The following CHRM3 variants were observed in gnomAD, a reference collection of about 807,000 sequenced individuals.
The protein encoded by CHRM3 is cholinergic receptor muscarinic 3, also known as muscarinic acetylcholine receptor M3.
CHRM3 carries 11 observed loss-of-function variants against 41.8 expected under a neutral mutation model. The ratio of observed to expected loss-of-function variants is 0.26; its 90% CI spans 0.17 to 0.44. The LOEUF (loss-of-function observed/expected upper bound fraction) is 0.44. Ranked by LOEUF, CHRM3 falls within the 20% of genes least tolerant of loss-of-function variation. The probability of loss-of-function intolerance (pLI) is 1.00; values close to 1 mark genes in which losing one functional copy is unlikely to be tolerated. For synonymous variants in CHRM3, 297 were observed against 301.4 expected (o/e 0.99, Z 0.15); for missense variants, 571 against 745.4 (o/e 0.77, Z 2.72).
intron 6 of CHRM3, among the ~76,000 whole-genome samples, chr1:239,901,234 T>G (rs1679531875): frequency 6.6e-6 from 1 of 152,096 alleles, no homozygotes; most frequent in Admixed American, 6.6e-5. Flanking sequence ...AACAGCAGAG[T>G]GTAAGGCAAG....
rs1553356897 is a variant in CHRM3, at chr1:239,662,912, T to TCTTCTTCTTCTTCTTCTTCTTCTC, written c.-249-15254_-249-15253insTCTCCTTCTTCTTCTTCTTCTTCT. Among the ~76,000 whole-genome samples the TCTTCTTCTTCTTCTTCTTCTTCTC allele has an allele frequency of 1.9e-3, 198 of 105,034 alleles. 2 individuals are homozygous for TCTTCTTCTTCTTCTTCTTCTTCTC. The highest frequency in any genetic ancestry group is 2.2e-3 in the Non-Finnish European group (109 of 49,850). The allele number at this position is 105,034 out of a possible 152,430, so 68.9% of individuals were successfully genotyped here. A position where few individuals can be genotyped will look rare whatever the true frequency, so the allele number is the denominator to read the frequency against. ...CTCCTCCTCTTCTTCTTCTTCTTCT[T>TCTTCTTCTTCTTCTTCTTCTTCTC]CTTCTTCTTCTTCTTCTTCTCCTCT... On this transcript the variant is annotated intron_variant, in intron 4 of 6. Coordinates refer to ENST00000676153, the MANE Select transcript of CHRM3 (RefSeq NM_001375978.1).
intron 4 of CHRM3, among the ~76,000 whole-genome samples, chr1:239,659,734 A>G (rs574419723): frequency 5.3e-5 from 8 of 152,192 alleles, no homozygotes; most frequent in Admixed American, 2.0e-4. Flanking sequence ...TATCTCCCCA[A>G]CTCTCCAAAG....
At chr1:239,882,450 T>G (rs1352270225) in intron 6 of CHRM3, among the ~76,000 whole-genome samples, 2 of 152,242 alleles carry the variant, frequency 1.3e-5, no homozygotes, top group African/African-American at 4.8e-5. Context: ...TGTATTTTAA[T>G]GTATTCTGAA....
chr1:239,775,215 C>T (rs1667996761), intron 5 of CHRM3, among the ~76,000 whole-genome samples: 1 of 152,056 alleles, frequency 6.6e-6, no homozygotes, highest in Admixed American at 6.6e-5. Context: ...ACTGAAAAAT[C>T]AAGCAATAAT....
chr1:239,445,002 C>T (rs774142110), intron 1 of CHRM3, among the ~76,000 whole-genome samples: 4 of 152,156 alleles, frequency 2.6e-5, no homozygotes, highest in Non-Finnish European at 5.9e-5. Context: ...TGATGGTTTC[C>T]TTGTGTGCAG....
intron 2 of CHRM3, among the ~76,000 whole-genome samples, chr1:239,500,711 AAACAAC>A (rs147273123): frequency 6.6e-5 from 10 of 151,720 alleles, no homozygotes; most frequent in African/African-American, 2.4e-4. Flanking sequence ...AAAAAAACAC[AAACAAC>A]AACAACAACA....
chr1:239,662,810 C>T (rs1323137734), intron 4 of CHRM3, among the ~76,000 whole-genome samples: 1 of 150,868 alleles, frequency 6.6e-6, no homozygotes, highest in African/African-American at 2.5e-5. Context: ...TTTCTTCCCT[C>T]CTCCTCCACT....
chr1:239,700,401 A>T (rs1389443520), intron 5 of CHRM3, among the ~76,000 whole-genome samples: 6 of 152,156 alleles, frequency 3.9e-5, no homozygotes, highest in Admixed American at 3.9e-4. Flanking sequence ...ACAGATATTC[A>T]TCTTTGACCA....
rs566523748 is a variant in CHRM3, at chr1:239,881,005, C to T, written c.-19-26428C>T. ...AAGTAAAAGAATACAACCCCTGGGC[C>T]GGGCGCGGTGGCTCACGCCTGTCAT... On this transcript the variant is annotated intron_variant, in intron 6 of 6. Transcript: ENST00000676153. 9.2e-5 allele frequency among the ~76,000 whole-genome samples: 14 copies of T among 151,712 alleles called. No individual in the cohort carries two copies. In the East Asian group the frequency reaches 2.0e-3, roughly 21 times the overall value.
chr1:239,813,916 CAAAAA>C (rs67147618), intron 5 of CHRM3, among the ~76,000 whole-genome samples: 3 of 103,244 alleles, frequency 2.9e-5, no homozygotes, highest in African/African-American at 5.1e-5. Context: ...GACTCCGTCT[CAAAAA>C]AAAAAAAAAA....
intron 5 of CHRM3, among the ~76,000 whole-genome samples, chr1:239,696,124 G>T (rs1284944777): frequency 6.6e-6 from 1 of 152,126 alleles, no homozygotes; most frequent in Non-Finnish European, 1.5e-5. Flanking sequence ...TTTGCTAAAT[G>T]CCTGGCCTTG....
intron 5 of CHRM3, among the ~76,000 whole-genome samples, chr1:239,752,471 TAAA>T (rs1437401551): frequency 6.6e-6 from 1 of 152,198 alleles, no homozygotes; most frequent in African/African-American, 2.4e-5. Context: ...TTTCTCTTAT[TAAA>T]TTAGTGAGTG....
intron 6 of CHRM3, among the ~76,000 whole-genome samples, chr1:239,867,337 A>G (rs1425823073): frequency 2.6e-5 from 4 of 152,204 alleles, no homozygotes; most frequent in Admixed American, 2.6e-4. Flanking sequence ...ACTGAATCAG[A>G]TTGTAAGATA....
At chr1:239,772,686 C>G (rs1425071929) in intron 5 of CHRM3, among the ~76,000 whole-genome samples, 2 of 151,880 alleles carry the variant, frequency 1.3e-5, no homozygotes, top group Non-Finnish European at 2.9e-5. Context: ...TTTGCAAATT[C>G]TCCTACCCCA....
At chr1:239,687,849 C>A (rs941782177) in intron 5 of CHRM3, among the ~76,000 whole-genome samples, 2 of 152,130 alleles carry the variant, frequency 1.3e-5, no homozygotes, top group Admixed American at 1.3e-4. Context: ...TCCCATATAA[C>A]CTAGGTATGT....
chr1:239,894,315 G>T (rs1238672745), intron 6 of CHRM3, among the ~76,000 whole-genome samples: 1 of 152,210 alleles, frequency 6.6e-6, no homozygotes, highest in Non-Finnish European at 1.5e-5. Flanking sequence ...ACAGGGAATG[G>T]CACAGGCGCA....
chr1:239,875,934 A>G (rs1039015655), intron 6 of CHRM3, among the ~76,000 whole-genome samples: 1 of 152,110 alleles, frequency 6.6e-6, no homozygotes, highest in Admixed American at 6.5e-5. Context: ...CCCCCCTTAA[A>G]GGTAGTTTTA....
At chr1:239,740,308 G>T (rs534936114) in intron 5 of CHRM3, among the ~76,000 whole-genome samples, 2 of 151,856 alleles carry the variant, frequency 1.3e-5, no homozygotes, top group Non-Finnish European at 2.9e-5. Context: ...ACCGTGAAGT[G>T]CTTTGCATAA....
chr1:239,500,313 G>A (rs1668144972), intron 2 of CHRM3, among the ~76,000 whole-genome samples: 1 of 152,110 alleles, frequency 6.6e-6, no homozygotes, highest in Non-Finnish European at 1.5e-5. Context: ...CATGTCCTTT[G>A]CAGGGACGTG....
Sources: allele counts gnomAD v4.1 joint callset (sites outside exome capture counted in the v4.1 genomes callset), GRCh38; gene constraint gnomAD v4.1.1; transcripts MANE v1.5; gene names NCBI Gene and HGNC (gene_info 2026-07-23, HGNC 2026-07-21).